FHIT: variants seen among roughly 807,000 people sequenced by gnomAD.
The protein encoded by FHIT is fragile histidine triad diadenosine triphosphatase.
In FHIT, 19 loss-of-function variants were observed where a neutral mutation model predicts 17.9. The ratio of observed to expected loss-of-function variants is 1.06; its 90% CI spans 0.74 to 1.56. The LOEUF is 1.56. Among genes scored for constraint, FHIT ranks in the 40% most tolerant of loss-of-function variants. The pLI is 0.00. For synonymous variants in FHIT, 81 were observed against 69.7 expected (o/e 1.16, Z -0.81); for missense variants, 248 against 189.2 (o/e 1.31, Z -1.82).
At chr3:61,189,167 T>G (rs895047189) in intron 2 of FHIT, among the ~76,000 whole-genome samples, 1 of 152,208 alleles carries the variant, frequency 6.6e-6, no homozygotes, top group Non-Finnish European at 1.5e-5. Flanking sequence ...ATGACATGAA[T>G]GTATATCTAG....
At chr3:60,012,834 G>A (rs1353066202) in intron 6 of FHIT, among the ~76,000 whole-genome samples, 4 of 152,140 alleles carry the variant, frequency 2.6e-5, no homozygotes. Context: ...ACTTTCTAGT[G>A]AAAAATGTTC....
chr3:61,150,088 T>C (rs2037342343), intron 2 of FHIT, among the ~76,000 whole-genome samples: 1 of 152,080 alleles, frequency 6.6e-6, no homozygotes, highest in Non-Finnish European at 1.5e-5. Context: ...ATCTTCCATA[T>C]GTTTGGCACT....
intron 4 of FHIT, among the ~76,000 whole-genome samples, chr3:60,600,453 C>T (rs1306854674): frequency 1.3e-5 from 2 of 152,112 alleles, no homozygotes; most frequent in Non-Finnish European, 2.9e-5. Context: ...CTGCAAGAAA[C>T]TAATTTTTAA....
chr3:60,962,292 C>T (rs564046678), intron 3 of FHIT, among the ~76,000 whole-genome samples: 1 of 152,214 alleles, frequency 6.6e-6, no homozygotes, highest in East Asian at 1.9e-4. Context: ...TATCCTGAGA[C>T]TTTGCTGAAG....
chr3:60,073,264 T>C (rs1702860140), intron 5 of FHIT, among the ~76,000 whole-genome samples: 1 of 152,146 alleles, frequency 6.6e-6, no homozygotes, highest in African/African-American at 2.4e-5. Context: ...AAGAGTTTCC[T>C]GACCCCTTTA....
chr3:59,783,860 C>T (rs113683925), intron 8 of FHIT, among the ~76,000 whole-genome samples: 15 of 152,252 alleles, frequency 9.9e-5, no homozygotes, highest in African/African-American at 2.2e-4. Flanking sequence ...ACCTCCCTGA[C>T]GCTTTGGTTC....
intron 5 of FHIT, among the ~76,000 whole-genome samples, chr3:60,319,348 G>C (rs1225038140): frequency 6.6e-6 from 1 of 151,916 alleles, no homozygotes; most frequent in African/African-American, 2.4e-5. Context: ...AAAACGGTGT[G>C]TTGTAAACCT....
At chr3:60,454,159 G>A (rs565599491) in intron 5 of FHIT, among the ~76,000 whole-genome samples, 2 of 152,088 alleles carry the variant, frequency 1.3e-5, no homozygotes, top group Non-Finnish European at 2.9e-5. Context: ...ATTTGTTACA[G>A]TTATGTCTTC....
intron 5 of FHIT, among the ~76,000 whole-genome samples, chr3:60,211,255 C>A (rs1377145424): frequency 6.6e-6 from 1 of 151,774 alleles, no homozygotes. Flanking sequence ...TATTTATATA[C>A]ATACATGTAT....
At chr3:60,765,543 C>T (rs1177682731) in intron 4 of FHIT, 1 of 152,182 alleles carries the variant, frequency 6.6e-6, no homozygotes, top group Non-Finnish European at 1.5e-5. Flanking sequence ...CCTGGGGCTC[C>T]ATGTGATCCA....
At chr3:61,244,616 T>C (rs954991838) in intron 1 of FHIT, among the ~76,000 whole-genome samples, 6 of 152,192 alleles carry the variant, frequency 3.9e-5, no homozygotes, top group East Asian at 1.9e-4. Context: ...GGAAGAATTA[T>C]CTGGCCTTCT....
chr3:60,538,452 T>C (rs2107602376), intron 4 of FHIT, among the ~76,000 whole-genome samples: 1 of 152,290 alleles, frequency 6.6e-6, no homozygotes, highest in African/African-American at 2.4e-5. Context: ...CTAAAGTTCA[T>C]ATGGAACCAA....
intron 5 of FHIT, among the ~76,000 whole-genome samples, chr3:60,309,184 C>T (rs556181406): frequency 2.0e-5 from 3 of 152,036 alleles, no homozygotes; most frequent in East Asian, 1.9e-4. Context: ...CTGCTTGCAG[C>T]GGAAGGTTTG....
At chr3:60,199,700 G>T (rs548794557) in intron 5 of FHIT, among the ~76,000 whole-genome samples, 69 of 152,170 alleles carry the variant, frequency 4.5e-4, no homozygotes, top group African/African-American at 1.6e-3. Context: ...TAAATTTCCA[G>T]AACATTCAAG....
At chr3:60,273,209 C>G (rs376902935) in intron 5 of FHIT, among the ~76,000 whole-genome samples, 1 of 152,222 alleles carries the variant, frequency 6.6e-6, no homozygotes, top group South Asian at 2.1e-4. Context: ...CTCTAATGTT[C>G]TACATAAGCA....
At chr3:60,400,783 C>G (rs183999981) in intron 5 of FHIT, among the ~76,000 whole-genome samples, 40 of 152,214 alleles carry the variant, frequency 2.6e-4, no homozygotes, top group African/African-American at 8.4e-4. Context: ...CGAAATCTCT[C>G]TAAGTGAAAT....
intron 8 of FHIT, among the ~76,000 whole-genome samples, chr3:59,919,137 G>A (rs62238311): frequency 0.15 from 22,328 of 152,124 alleles, 2,010 homozygotes; most frequent in Middle Eastern, 0.24. Context: ...TGAAAATGGC[G>A]GTAATGATCA....
intron 5 of FHIT, among the ~76,000 whole-genome samples, chr3:60,523,541 T>G (rs1256024278): frequency 6.6e-6 from 1 of 152,178 alleles, no homozygotes; most frequent in Non-Finnish European, 1.5e-5. Flanking sequence ...TAAGGCAACC[T>G]GTATGCATGG....
chr3:61,082,165 A>G (rs1282807321), intron 2 of FHIT, among the ~76,000 whole-genome samples: 2 of 152,178 alleles, frequency 1.3e-5, no homozygotes, highest in Non-Finnish European at 2.9e-5. Context: ...GGGCACACAT[A>G]CCCACTTAAA....
Sources: gnomAD v4.1 joint callset for allele counts (sites outside exome capture counted in the v4.1 genomes callset) on GRCh38, gnomAD v4.1.1 for gene constraint, MANE v1.5 for transcripts, NCBI Gene and HGNC (gene_info 2026-07-23, HGNC 2026-07-21) for gene names.